PTPRD: variants seen among roughly 807,000 people sequenced by gnomAD.
PTPRD encodes the protein protein tyrosine phosphatase receptor type D, also known as receptor-type tyrosine-protein phosphatase delta.
In PTPRD, 34 loss-of-function variants were observed where a neutral mutation model predicts 214.5. That is an observed-to-expected ratio of 0.16 (90% CI 0.12 to 0.21). PTPRD has a LOEUF of 0.21. Ranked by LOEUF, PTPRD falls within the 10% of genes least tolerant of loss-of-function variation. The probability of loss-of-function intolerance (pLI) is 1.00; values close to 1 mark genes in which losing one functional copy is unlikely to be tolerated. For missense variants in PTPRD, 2,545 were observed against 2,398.7 expected (o/e 1.06, Z -1.27); for synonymous variants, 1,128 against 845.7 (o/e 1.33, Z -5.79).
intron 2 of PTPRD, among the ~76,000 whole-genome samples, chr9:10,600,319 T>C (rs375648453): frequency 1.3e-5 from 2 of 151,808 alleles, no homozygotes; most frequent in African/African-American, 4.8e-5. Flanking sequence ...AATCATATCA[T>C]ATACACTCTC....
At chr9:8,333,747 A>T (rs1410484691) in intron 43 of PTPRD, among the ~76,000 whole-genome samples, 1 of 152,150 alleles carries the variant, frequency 6.6e-6, no homozygotes, top group African/African-American at 2.4e-5. Context: ...CAATTAAAAG[A>T]CACGGACTGG....
intron 2 of PTPRD, among the ~76,000 whole-genome samples, chr9:10,363,112 C>T (rs2097427793): frequency 6.6e-6 from 1 of 152,120 alleles, no homozygotes; most frequent in African/African-American, 2.4e-5. Context: ...TGTTGCTAAT[C>T]TCTAGATTTT....
intron 11 of PTPRD, among the ~76,000 whole-genome samples, chr9:8,811,919 G>C (rs777381742): frequency 6.6e-6 from 1 of 152,156 alleles, no homozygotes; most frequent in African/African-American, 2.4e-5. Flanking sequence ...GTGGGGACTT[G>C]AGGCTTGTGA....
chr9:8,427,244 T>G (rs748833873), intron 35 of PTPRD, among the ~76,000 whole-genome samples: 4 of 152,182 alleles, frequency 2.6e-5, no homozygotes, highest in Non-Finnish European at 5.9e-5. Context: ...TGTCTAGAGA[T>G]AGTAATAGCC....
At chr9:9,840,441 G>A (rs566844381) in intron 5 of PTPRD, among the ~76,000 whole-genome samples, 21 of 152,014 alleles carry the variant, frequency 1.4e-4, no homozygotes, top group African/African-American at 5.1e-4. Flanking sequence ...CTTTTTCAGA[G>A]GGTATAAAAC....
At chr9:9,957,375 T>C (rs750597606) in intron 4 of PTPRD, among the ~76,000 whole-genome samples, 1 of 152,032 alleles carries the variant, frequency 6.6e-6, no homozygotes, top group Non-Finnish European at 1.5e-5. Context: ...CTTGTACACA[T>C]GCAGACAATA....
At chr9:8,330,857 A>G (rs1839829927) in intron 44 of PTPRD, among the ~76,000 whole-genome samples, 1 of 149,690 alleles carries the variant, frequency 6.7e-6, no homozygotes, top group Non-Finnish European at 1.5e-5. Flanking sequence ...GAGTTTCACC[A>G]TAAAAAGATT....
At chr9:10,531,709 G>A (rs999344852) in intron 2 of PTPRD, among the ~76,000 whole-genome samples, 1 of 152,110 alleles carries the variant, frequency 6.6e-6, no homozygotes, top group South Asian at 2.1e-4. Flanking sequence ...ACATGCCATG[G>A]CTCAACTGGG....
intron 5 of PTPRD, among the ~76,000 whole-genome samples, chr9:9,841,728 G>C (rs2058374240): frequency 6.6e-6 from 1 of 151,984 alleles, no homozygotes. Context: ...ATCTTACCTT[G>C]TATTTTTCTC....
chr9:8,689,312 T>G (rs778622882), intron 12 of PTPRD, among the ~76,000 whole-genome samples: 3 of 152,234 alleles, frequency 2.0e-5, no homozygotes, highest in Admixed American at 6.5e-5. Flanking sequence ...CCCTCTGTAC[T>G]AATTAGTTCA....
intron 14 of PTPRD, among the ~76,000 whole-genome samples, chr9:8,580,783 C>T (rs764470451): frequency 6.6e-5 from 10 of 152,148 alleles, no homozygotes; most frequent in Non-Finnish European, 1.3e-4. Flanking sequence ...CACACATACA[C>T]ACACACACGC....
At chr9:9,031,315 G>A (rs1368637775) in intron 10 of PTPRD, among the ~76,000 whole-genome samples, 2 of 152,108 alleles carry the variant, frequency 1.3e-5, no homozygotes, top group East Asian at 3.9e-4. Context: ...GATTTATTCT[G>A]AGAAACGCAT....
chr9:9,354,183 T>C (rs1337970253), intron 9 of PTPRD, among the ~76,000 whole-genome samples: 1 of 151,804 alleles, frequency 6.6e-6, no homozygotes, highest in African/African-American at 2.4e-5. Flanking sequence ...GGTTCCTCTT[T>C]CTTAAAGTTA....
At chr9:9,333,449 T>C (rs1035535229) in intron 9 of PTPRD, among the ~76,000 whole-genome samples, 2 of 148,298 alleles carry the variant, frequency 1.3e-5, no homozygotes, top group African/African-American at 5.0e-5. Context: ...CTATATGGGC[T>C]ACTTGGAAAC....
chr9:9,069,500 T>C (rs1303002759), intron 10 of PTPRD, among the ~76,000 whole-genome samples: 1 of 152,234 alleles, frequency 6.6e-6, no homozygotes, highest in Non-Finnish European at 1.5e-5. Context: ...CAGAATGTAG[T>C]GAGCACAGAC....
intron 4 of PTPRD, among the ~76,000 whole-genome samples, chr9:10,031,887 A>G (rs118150305): frequency 0.012 from 1,888 of 152,100 alleles, 20 homozygotes; most frequent in Non-Finnish European, 0.018. Flanking sequence ...AGAAAATTTA[A>G]AAGGATTTTG....
At chr9:9,129,867 C>G (rs1217532090) in intron 10 of PTPRD, among the ~76,000 whole-genome samples, 1 of 152,072 alleles carries the variant, frequency 6.6e-6, no homozygotes, top group African/African-American at 2.4e-5. Flanking sequence ...TACAGACTCC[C>G]CAGAAGTTCA....
chr9:9,920,499 G>A (rs955111518), intron 5 of PTPRD, among the ~76,000 whole-genome samples: 30 of 152,108 alleles, frequency 2.0e-4, no homozygotes, highest in Non-Finnish European at 4.0e-4. Context: ...ATAAAATGAT[G>A]GAGGGCAAAT....
At chr9:9,480,228 G>T (rs2095347715) in intron 8 of PTPRD, among the ~76,000 whole-genome samples, 1 of 152,104 alleles carries the variant, frequency 6.6e-6, no homozygotes, top group South Asian at 2.1e-4. Flanking sequence ...GATGGTGATT[G>T]GTGGTATTCA....
Sources: allele counts gnomAD v4.1 joint callset (sites outside exome capture counted in the v4.1 genomes callset), GRCh38; gene constraint gnomAD v4.1.1; transcripts MANE v1.5; gene names NCBI Gene and HGNC (gene_info 2026-07-23, HGNC 2026-07-21).